RHBDL3: variants seen among roughly 807,000 people sequenced by gnomAD.
The protein encoded by RHBDL3 is rhomboid like 3, also known as rhomboid-related protein 3.
In RHBDL3, 28 loss-of-function variants were observed where a neutral mutation model predicts 48.2. That is an observed-to-expected ratio of 0.58 (90% CI 0.43 to 0.80). The LOEUF (loss-of-function observed/expected upper bound fraction) is 0.80. Ranked by LOEUF, RHBDL3 falls within the 30% of genes least tolerant of loss-of-function variation. The pLI is 0.00. For synonymous variants in RHBDL3, 208 were observed against 232.3 expected (o/e 0.90, Z 0.95); for missense variants, 464 against 542.7 (o/e 0.85, Z 1.44).
chr17:32,292,325 G>A (rs1359254686), intron 4 of RHBDL3, among the ~76,000 whole-genome samples: 20 of 152,136 alleles, frequency 1.3e-4, no homozygotes, highest in Non-Finnish European at 4.4e-5. Flanking sequence ...ACAGTCTGGC[G>A]TTGCCTCAAA....
intron 6 of RHBDL3, among the ~76,000 whole-genome samples, chr17:32,298,750 C>A (rs1299300460): frequency 6.6e-6 from 1 of 152,120 alleles, no homozygotes; most frequent in African/African-American, 2.4e-5. Context: ...ACCGCAGTCC[C>A]CTTGCCTGAC....
intron 7 of RHBDL3, among the ~76,000 whole-genome samples, chr17:32,312,912 C>T (rs760609854): frequency 1.3e-5 from 2 of 152,084 alleles, no homozygotes; most frequent in Non-Finnish European, 2.9e-5. Flanking sequence ...TGGGCTCAAG[C>T]GATCATCCCA....
intron 4 of RHBDL3, among the ~76,000 whole-genome samples, chr17:32,293,418 C>T (rs1229116289): frequency 6.6e-6 from 1 of 151,922 alleles, no homozygotes; most frequent in African/African-American, 2.4e-5. Flanking sequence ...CCCATCTCTA[C>T]TAAAAATTCA....
intron 2 of RHBDL3, 141 bp from the exon 3 acceptor site, chr17:32,284,518 T>A (rs2040147987): frequency 2.7e-6 from 2 of 739,342 alleles, no homozygotes; most frequent in Non-Finnish European, 4.4e-6. Flanking sequence ...AGGGGGGTCC[T>A]TGGAAATCTC....
chr17:32,285,801 C>T (rs185521459), intron 3 of RHBDL3, among the ~76,000 whole-genome samples: 9 of 152,292 alleles, frequency 5.9e-5, no homozygotes, highest in Non-Finnish European at 1.3e-4. Context: ...CCCCAGACTC[C>T]TAAATTCAAA....
intron 2 of RHBDL3, among the ~76,000 whole-genome samples, chr17:32,272,255 C>T (rs1332717663): frequency 1.3e-5 from 2 of 152,242 alleles, no homozygotes; most frequent in East Asian, 3.8e-4. Flanking sequence ...ACTTCTGAGC[C>T]CAGAGGATTT....
Position 32,291,447 on chromosome 17 carries a change from C to T in RHBDL3, c.519+2431C>T, listed in dbSNP as rs901333416. Among the ~76,000 whole-genome samples, 6 of 151,728 alleles carry T rather than the reference C, an allele frequency of 4.0e-5. No homozygotes were observed. In the East Asian group the frequency reaches 9.8e-4, roughly 25 times the overall value. On this transcript the variant is annotated intron_variant, in intron 4 of 8. Coordinates refer to ENST00000269051, the MANE Select transcript of RHBDL3 (RefSeq NM_138328.3). Reference sequence around the variant, plus strand: ...CTGTAATTCCAGCACCTTGGGAGGCCGAGGCGGGTGGGTCATTGAGGTCAG... The same window carrying T: ...CTGTAATTCCAGCACCTTGGGAGGCTGAGGCGGGTGGGTCATTGAGGTCAG...
chr17:32,293,466 C>T (rs1287345102), intron 4 of RHBDL3, among the ~76,000 whole-genome samples: 1 of 151,676 alleles, frequency 6.6e-6, no homozygotes, highest in East Asian at 1.9e-4. Context: ...CCTGTAATCC[C>T]AGATACTTGG....
chr17:32,320,077 G>C (rs531366945), intron 8 of RHBDL3, among the ~76,000 whole-genome samples: 15 of 151,790 alleles, frequency 9.9e-5, no homozygotes, highest in Non-Finnish European at 1.9e-4. Context: ...GTTCAGGCCT[G>C]AGCAACATAG....
chr17:32,279,626 A>G (rs553140769), intron 2 of RHBDL3, among the ~76,000 whole-genome samples: 36 of 152,244 alleles, frequency 2.4e-4, no homozygotes, highest in African/African-American at 8.4e-4. Context: ...AAGATTCCAA[A>G]TAGAAGATTG....
chr17:32,303,105 G>T (rs1013624392), intron 6 of RHBDL3, among the ~76,000 whole-genome samples: 2 of 152,186 alleles, frequency 1.3e-5, no homozygotes, highest in African/African-American at 4.8e-5. Flanking sequence ...CTGGCCCTAG[G>T]GTCAGGACTC....
At chr17:32,308,525 G>T (rs2040762929) in intron 7 of RHBDL3, among the ~76,000 whole-genome samples, 1 of 152,160 alleles carries the variant, frequency 6.6e-6, no homozygotes, top group Non-Finnish European at 1.5e-5. Flanking sequence ...GAGGCTGGCT[G>T]AGATCACCTG....
chr17:32,305,198 G>A (rs888201758), intron 6 of RHBDL3, 143 bp from the exon 7 acceptor site: 14 of 645,694 alleles, frequency 2.2e-5, no homozygotes, highest in East Asian at 8.0e-5. Flanking sequence ...GAATCTCCCT[G>A]GCAACATGGA....
At chr17:32,307,565 C>G (rs1597677467) in intron 7 of RHBDL3, among the ~76,000 whole-genome samples, 1 of 152,164 alleles carries the variant, frequency 6.6e-6, no homozygotes, top group Admixed American at 6.5e-5. Context: ...GAGAGATAGA[C>G]AGACACTGAG....
rs750340455 is a variant in RHBDL3 at position 32,294,372 on chromosome 17, T to A, written c.598T>A (p.Ser200Thr). ...AACTCATCCACGTTACTTGAAGAAC[T>A]CCCTGGTTTACCACCCACAGCTGCG... Reference protein sequence around the residue: ...QVTHPRYLKNSLVYHPQLRAQ... With the variant: ...QVTHPRYLKNTLVYHPQLRAQ... Residue 200 changes from serine to threonine, a missense_variant, in exon 5 of 9, where the codon TCC (serine) becomes ACC (threonine). Physicochemically the swap from Ser to Thr is moderately conservative, Grantham distance 58 (BLOSUM62 1). Coordinates refer to ENST00000269051, the MANE Select transcript of RHBDL3 (RefSeq NM_138328.3). 9 of 1,614,002 alleles carry A rather than the reference T, an allele frequency of 5.6e-6. No homozygotes were observed. Among genetic ancestry groups the A allele is most frequent in the Non-Finnish European group, 6.8e-6 (8 of 1,180,034 alleles).
intron 1 of RHBDL3, 71 bp downstream of exon 1, chr17:32,266,371 C>A: frequency 1.3e-6 from 1 of 784,524 alleles, no homozygotes; most frequent in Non-Finnish European, 1.8e-6. Context: ...CTGTCTCGCC[C>A]CACGCCGGGC....
At chr17:32,316,359 A>C in intron 8 of RHBDL3, 67 bp downstream of exon 8, 1 of 1,223,130 alleles carries the variant, frequency 8.2e-7, no homozygotes, top group Admixed American at 1.7e-5. Context: ...AAGATGGCAC[A>C]GTTCCTGCCC....
chr17:32,269,312 C>T (rs1376270681), intron 2 of RHBDL3, among the ~76,000 whole-genome samples: 2 of 152,214 alleles, frequency 1.3e-5, no homozygotes, highest in African/African-American at 4.8e-5. Flanking sequence ...CGTGCTACTG[C>T]ACTCCAACCT....
intron 5 of RHBDL3, among the ~76,000 whole-genome samples, chr17:32,295,294 C>T (rs1377357230): frequency 3.3e-5 from 5 of 152,208 alleles, no homozygotes; most frequent in Admixed American, 1.3e-4. Context: ...CCTCCCTTCC[C>T]CTTAGCCTCT....
Sources: allele counts gnomAD v4.1 joint callset (sites outside exome capture counted in the v4.1 genomes callset), GRCh38; gene constraint gnomAD v4.1.1; transcripts MANE v1.5; gene names NCBI Gene and HGNC (gene_info 2026-07-23, HGNC 2026-07-21).